Variants in RABGAP1L observed in about 807,000 individuals in gnomAD.
The protein encoded by RABGAP1L is rab GTPase-activating protein 1-like.
In RABGAP1L, 63 loss-of-function variants were observed where a neutral mutation model predicts 137.7. The ratio of observed to expected loss-of-function variants is 0.46; its 90% CI spans 0.37 to 0.56. The LOEUF (loss-of-function observed/expected upper bound fraction) is 0.56, where lower values mean the gene tolerates loss of function less well. Ranked by LOEUF, RABGAP1L falls within the 20% of genes least tolerant of loss-of-function variation. The probability of loss-of-function intolerance (pLI) is 0.00; values close to 1 mark genes in which losing one functional copy is unlikely to be tolerated. For missense variants in RABGAP1L, 1,095 were observed against 1,244.0 expected (o/e 0.88, Z 1.80); for synonymous variants, 431 against 433.7 (o/e 0.99, Z 0.08).
At chr1:174,288,967 C>A (rs969846283) in intron 10 of RABGAP1L, among the ~76,000 whole-genome samples, 1 of 151,982 alleles carries the variant, frequency 6.6e-6, no homozygotes, top group Non-Finnish European at 1.5e-5. Flanking sequence ...TTTTATTCTT[C>A]TGCTTGGCCA....
At chr1:174,929,083 G>C (rs907221107) in intron 19 of RABGAP1L, among the ~76,000 whole-genome samples, 2 of 151,960 alleles carry the variant, frequency 1.3e-5, no homozygotes, top group African/African-American at 4.8e-5. Context: ...GGGCTGGGGG[G>C]AGGGATAGCA....
intron 19 of RABGAP1L, among the ~76,000 whole-genome samples, chr1:174,869,060 A>G (rs1470577996): frequency 2.6e-5 from 4 of 152,084 alleles, no homozygotes; most frequent in South Asian, 4.1e-4. Context: ...CCCCATTTCT[A>G]AAGGTTACAA....
chr1:174,712,311 C>G (rs552213697), intron 17 of RABGAP1L, among the ~76,000 whole-genome samples: 1 of 152,174 alleles, frequency 6.6e-6, no homozygotes, highest in Non-Finnish European at 1.5e-5. Context: ...TCTTTGGGTC[C>G]GCACTGCCTT....
At chr1:174,833,420 GTGTATA>G (rs1692348863) in intron 19 of RABGAP1L, among the ~76,000 whole-genome samples, 1 of 88,850 alleles carries the variant, frequency 1.1e-5, no homozygotes, top group African/African-American at 3.4e-5. Flanking sequence ...ATGTGTGTGT[GTGTATA>G]TATATATGTG....
At chr1:174,910,970 A>AT (rs2149195655) in intron 19 of RABGAP1L, among the ~76,000 whole-genome samples, 1 of 152,202 alleles carries the variant, frequency 6.6e-6, no homozygotes, top group East Asian at 1.9e-4. Flanking sequence ...GTTATTTTCC[A>AT]TTTTTTGATT....
intron 13 of RABGAP1L, among the ~76,000 whole-genome samples, chr1:174,534,132 CTGTGTGTGTGTG>C (rs35255973): frequency 4.3e-3 from 573 of 132,614 alleles, no homozygotes; most frequent in Middle Eastern, 0.011. Flanking sequence ...GAGGTCAACT[CTGTGTGTGTGTG>C]TGTGTGTGTG....
At chr1:174,776,417 T>C (rs1434792722) in intron 18 of RABGAP1L, among the ~76,000 whole-genome samples, 1 of 152,082 alleles carries the variant, frequency 6.6e-6, no homozygotes, top group Non-Finnish European at 1.5e-5. Flanking sequence ...TATTAGAGAA[T>C]AGTACATCCT....
At position 174,324,899 on chromosome 1, in the gene RABGAP1L, G is replaced by A. The variant is rs550554161; in HGVS notation, c.1465+19772G>A. ...TGGGGGGATTATGGAACCTCTACAA[G>A]GGTGATTTTAATAAAACTGGGAAAG... On this transcript the variant is annotated intron_variant, in intron 11 of 25. Coordinates refer to ENST00000681986, the MANE Select transcript of RABGAP1L (RefSeq NM_001366446.1). Among the ~76,000 whole-genome samples the A allele has an allele frequency of 8.5e-5, 13 of 152,296 alleles. No individual in the cohort carries two copies. In the South Asian group the frequency reaches 2.3e-3, roughly 27 times the overall value.
At position 174,176,712 on chromosome 1, in the gene RABGAP1L, A is replaced by AG. The variant is rs768749755; in HGVS notation, c.-34+17056dup. Among the ~76,000 whole-genome samples the AG allele has an allele frequency of 3.7e-3, 372 of 99,364 alleles. 5 individuals carry two copies. The highest frequency in any genetic ancestry group is 5.6e-3 in the Non-Finnish European group (282 of 50,634). The allele number at this position is 99,364 out of a possible 152,430, so 65.2% of individuals were successfully genotyped here. On this transcript the variant is annotated intron_variant, in intron 1 of 25. Transcript: ENST00000681986. ...GGACAACAGAGGGAGACCCTTTTTC[A>AG]GAAAAAAAAAAAAAAAAAAAAAAAA...
chr1:174,956,706 G>T (rs1362002026), intron 19 of RABGAP1L, among the ~76,000 whole-genome samples: 2 of 148,848 alleles, frequency 1.3e-5, no homozygotes, highest in African/African-American at 5.0e-5. Flanking sequence ...GGAGTGCAGT[G>T]GTACAATCTT....
At chr1:174,301,873 A>G (rs905736432) in intron 10 of RABGAP1L, among the ~76,000 whole-genome samples, 8 of 152,244 alleles carry the variant, frequency 5.3e-5, no homozygotes, top group African/African-American at 1.9e-4. Context: ...GGGATCAATC[A>G]GAGGAAAGTG....
intron 19 of RABGAP1L, among the ~76,000 whole-genome samples, chr1:174,890,770 C>T (rs899276155): frequency 2.6e-5 from 4 of 152,056 alleles, no homozygotes; most frequent in Admixed American, 1.3e-4. Flanking sequence ...TCTCACTTAA[C>T]AGTATGTGTT....
intron 13 of RABGAP1L, among the ~76,000 whole-genome samples, chr1:174,580,205 G>A (rs1668633144): frequency 6.6e-6 from 1 of 152,224 alleles, no homozygotes; most frequent in Admixed American, 6.5e-5. Flanking sequence ...GCAATCTAGA[G>A]AAGAGGAAAT....
intron 14 of RABGAP1L, among the ~76,000 whole-genome samples, chr1:174,639,585 G>A (rs1012589982): frequency 4.6e-5 from 7 of 151,966 alleles, no homozygotes; most frequent in African/African-American, 1.7e-4. Flanking sequence ...CAGCCAGTCA[G>A]TGACTTTCCC....
At chr1:174,674,537 G>GA (rs1557972993) in intron 14 of RABGAP1L, among the ~76,000 whole-genome samples, 12 of 151,378 alleles carry the variant, frequency 7.9e-5, no homozygotes, top group East Asian at 3.9e-4. Context: ...GAATAGTGCC[G>GA]CAATAAACAT....
chr1:174,653,154 A>C, intron 14 of RABGAP1L, among the ~76,000 whole-genome samples: 1 of 152,196 alleles, frequency 6.6e-6, no homozygotes, highest in African/African-American at 2.4e-5. Context: ...CCCCCAACCA[A>C]GCTGGAGTAA....
chr1:174,444,621 T>C (rs554810410), intron 13 of RABGAP1L, among the ~76,000 whole-genome samples: 3 of 152,224 alleles, frequency 2.0e-5, no homozygotes, highest in Non-Finnish European at 4.4e-5. Context: ...ATCTCTTTAC[T>C]CATTATTAGT....
At chr1:174,710,054 A>G (rs1460174903) in intron 17 of RABGAP1L, among the ~76,000 whole-genome samples, 1 of 152,232 alleles carries the variant, frequency 6.6e-6, no homozygotes, top group Non-Finnish European at 1.5e-5. Flanking sequence ...CAAGTGGAAG[A>G]AAGGATATCA....
intron 1 of RABGAP1L, among the ~76,000 whole-genome samples, chr1:174,202,438 A>AT (rs1249555401): frequency 6.6e-6 from 1 of 152,246 alleles, no homozygotes; most frequent in Non-Finnish European, 1.5e-5. Flanking sequence ...TTTTGGCTGC[A>AT]TAAATGCCTT....
Sources: gnomAD v4.1 joint callset for allele counts (sites outside exome capture counted in the v4.1 genomes callset) on GRCh38, gnomAD v4.1.1 for gene constraint, MANE v1.5 for transcripts, NCBI Gene and HGNC (gene_info 2026-07-23, HGNC 2026-07-21) for gene names.